Variants in DOCK2 observed in about 807,000 individuals in gnomAD.
DOCK2 encodes the protein dedicator of cytokinesis protein 2.
DOCK2 carries 87 observed loss-of-function variants against 248.9 expected under a neutral mutation model. The observed-to-expected ratio is 0.35, with a 90% CI of 0.29 to 0.42. The LOEUF (loss-of-function observed/expected upper bound fraction) is 0.42, where lower values mean the gene tolerates loss of function less well. Among genes scored for constraint, DOCK2 ranks in the 10% least tolerant of loss-of-function variants. DOCK2 has a pLI of 1.00. For missense variants in DOCK2, 1,747 were observed against 2,300.2 expected (o/e 0.76, Z 4.92); for synonymous variants, 805 against 821.6 (o/e 0.98, Z 0.35).
intron 26 of DOCK2, among the ~76,000 whole-genome samples, chr5:169,817,070 C>T (rs1031893850): frequency 4.6e-5 from 7 of 152,138 alleles, no homozygotes; most frequent in African/African-American, 1.7e-4. Flanking sequence ...ATCCATCCTG[C>T]CTATGTAGAC....
At chr5:170,081,649 C>A in intron 50 of DOCK2, 193 bp from the exon 51 acceptor site, 2 of 655,962 alleles carry the variant, frequency 3.0e-6, no homozygotes, top group Admixed American at 6.5e-5. Context: ...GGTGGGCAAT[C>A]TTCACTGCAA....
chr5:169,716,325 C>G, intron 20 of DOCK2, 23 bp downstream of exon 20: 4 of 1,608,290 alleles, frequency 2.5e-6, no homozygotes, highest in Non-Finnish European at 3.4e-6. Context: ...GGAAAAGTGT[C>G]TAGTGACAAC....
intron 2 of DOCK2, among the ~76,000 whole-genome samples, chr5:169,655,628 A>C (rs1372213738): frequency 2.0e-5 from 3 of 152,220 alleles, no homozygotes; most frequent in Non-Finnish European, 2.9e-5. Flanking sequence ...CCTCTTAGGC[A>C]ACAGAGCCCC....
intron 25 of DOCK2, among the ~76,000 whole-genome samples, chr5:169,796,645 C>G (rs550628508): frequency 6.6e-6 from 1 of 152,048 alleles, no homozygotes; most frequent in Non-Finnish European, 1.5e-5. Context: ...GGAAATATAT[C>G]GAAATATATT....
intron 6 of DOCK2, among the ~76,000 whole-genome samples, 187 bp downstream of exon 6, chr5:169,674,632 G>A (rs1168529816): frequency 2.0e-5 from 3 of 152,216 alleles, no homozygotes; most frequent in Non-Finnish European, 2.9e-5. Flanking sequence ...GGACATGCAG[G>A]TGGAGAGAAG....
chr5:170,023,247 G>C (rs1755792118), intron 33 of DOCK2, among the ~76,000 whole-genome samples: 1 of 152,164 alleles, frequency 6.6e-6, no homozygotes, highest in South Asian at 2.1e-4. Context: ...TCTGACAGCA[G>C]CACCTAGAAC....
At chr5:169,904,091 CAAAAAAA>C (rs57983281) in intron 27 of DOCK2, among the ~76,000 whole-genome samples, 33 of 70,398 alleles carry the variant, frequency 4.7e-4, no homozygotes, top group Non-Finnish European at 6.5e-4. Context: ...GACTTCGTCT[CAAAAAAA>C]AAAAAAAAAA....
intron 26 of DOCK2, among the ~76,000 whole-genome samples, chr5:169,811,224 T>G (rs1382664707): frequency 1.3e-5 from 2 of 152,196 alleles, no homozygotes; most frequent in Non-Finnish European, 2.9e-5. Context: ...CTTGGGCGCC[T>G]TCTTCTGAAG....
At position 169,817,118 on chromosome 5, in the gene DOCK2, T is replaced by A. The variant is rs12657596; in HGVS notation, c.2703+13912T>A. Among the ~76,000 whole-genome samples the A allele has an allele frequency of 2.8e-3, 426 of 152,324 alleles. 17 individuals carry two copies. In the East Asian group the frequency reaches 0.065, roughly 23 times the overall value. On this transcript the variant is annotated intron_variant, in intron 26 of 51. Transcript: ENST00000520908. ...ACCTCTGAGAGCCAGACCCTGCCTT[T>A]CCTAATAGGCCCAATTCTTCCTCGA... is the stretch of plus-strand genomic sequence containing the variant.
At chr5:169,726,444 C>T (rs1294474012) in intron 22 of DOCK2, among the ~76,000 whole-genome samples, 2 of 152,124 alleles carry the variant, frequency 1.3e-5, no homozygotes, top group Non-Finnish European at 2.9e-5. Flanking sequence ...AATTTTCTCC[C>T]GTTCTGTAGG....
intron 22 of DOCK2, among the ~76,000 whole-genome samples, chr5:169,723,661 G>A (rs1267201999): frequency 6.6e-6 from 1 of 152,058 alleles, no homozygotes; most frequent in Non-Finnish European, 1.5e-5. Flanking sequence ...CCCTTCCCCA[G>A]ATCCATTTGT....
rs762028345 is a variant in DOCK2 at position 169,761,570 on chromosome 5, G to A, written c.2499G>A (p.Lys833=). 2.7e-5 allele frequency: 43 copies of A among 1,613,996 alleles called. No homozygotes were observed. The highest frequency in any genetic ancestry group is 3.4e-5 in the Non-Finnish European group (40 of 1,179,984). Residue 833 remains lysine, a synonymous_variant, in exon 25 of 52, where the codon AAG becomes AAA. Coordinates refer to ENST00000520908, the MANE Select transcript of DOCK2 (RefSeq NM_004946.3). The stretch of plus-strand genomic sequence containing the variant: ...GCATCCCTCCTGTGAAACTCCAGAA[G>A]CAGAAAGTACAGTCTATGAATGAGA... ...YTCIPPVKLQ[K]QKVQSMNEIV...
intron 27 of DOCK2, among the ~76,000 whole-genome samples, chr5:169,933,177 C>T (rs1451072486): frequency 6.6e-6 from 1 of 152,200 alleles, no homozygotes; most frequent in East Asian, 1.9e-4. Context: ...TTGGTGTACC[C>T]TGAAAGAGAG....
intron 27 of DOCK2, among the ~76,000 whole-genome samples, chr5:169,865,100 G>T (rs1312686724): frequency 6.6e-6 from 1 of 152,190 alleles, no homozygotes; most frequent in Non-Finnish European, 1.5e-5. Context: ...AGCTTTACAT[G>T]TAAGACTGCC....
At position 169,903,826 on chromosome 5, in the gene DOCK2, G is replaced by T. The variant is rs112685267; in HGVS notation, c.2799+62974G>T. On this transcript the variant is annotated intron_variant, in intron 27 of 51. Transcript: ENST00000520908. ...GGTTTTAGGGGAGGAGAAACTGGGC[G>T]GAGTGGCTCATGCCTGTAATCCCAG... Among the ~76,000 whole-genome samples, 46 of 152,106 alleles carry T rather than the reference G, an allele frequency of 3.0e-4. 1 individual carries two copies. The highest frequency in any genetic ancestry group is 3.4e-3 in the Middle Eastern group (1 of 290).
At chr5:170,082,756 A>G (rs766531190) in intron 51 of DOCK2, 40 bp from the exon 52 acceptor site, 280 of 1,613,074 alleles carry the variant, frequency 1.7e-4, no homozygotes, top group Non-Finnish European at 2.3e-4. Context: ...TTAATCTGAT[A>G]ATCGCATCTT....
rs1354230161 is a variant in DOCK2, at chr5:169,867,481, CATCTATCTA to C, written c.2799+26637_2799+26645del. On this transcript the variant is annotated intron_variant, in intron 27 of 51. Transcript: ENST00000520908. The stretch of plus-strand genomic sequence containing the variant: ...TCTATCTATTGATCCATCCATCTAT[CATCTATCTA>C]ATCTATCATCTATTATCTATTTATC... Among the ~76,000 whole-genome samples, 4 of 152,252 alleles carry C rather than the reference CATCTATCTA, an allele frequency of 2.6e-5. No individual in the cohort carries two copies. In the East Asian group the frequency reaches 7.7e-4, roughly 29 times the overall value.
chr5:169,882,485 G>T, intron 27 of DOCK2: 2 of 1,333,608 alleles, frequency 1.5e-6, no homozygotes, highest in Non-Finnish European at 2.0e-6. Context: ...AACCAAAGCT[G>T]TCTCTGCCCC....
In DOCK2 at chr5:169,684,179, T is replaced by G. The variant is rs1487024279; in HGVS notation, c.607-17T>G. On this transcript the variant is annotated splice_polypyrimidine_tract_variant and intron_variant, in intron 7 of 51. Transcript: ENST00000520908. The stretch of plus-strand genomic sequence containing the variant: ...TAATTTTCTCCATCTTCTTTCCTTC[T>G]TCCTTCTGCCTTTCAGTCAAAAGAC... 1 of 1,613,194 alleles carries G rather than the reference T, an allele frequency of 6.2e-7. No individual in the cohort carries two copies. The highest frequency in any genetic ancestry group is 1.1e-5 in the South Asian group (1 of 91,034).
Sources: allele counts gnomAD v4.1 joint callset (sites outside exome capture counted in the v4.1 genomes callset), GRCh38; gene constraint gnomAD v4.1.1; transcripts MANE v1.5; gene names NCBI Gene and HGNC (gene_info 2026-07-23, HGNC 2026-07-21).